Variants in DMD observed in about 807,000 individuals in gnomAD.
The protein encoded by DMD is dystrophin, also known as mutant dystrophin.
In DMD, 63 loss-of-function variants were observed where a neutral mutation model predicts 330.1. That is an observed-to-expected ratio of 0.19 (90% CI 0.16 to 0.24). DMD has a LOEUF of 0.24. DMD is among the 10% of genes least tolerant of loss of function. The pLI, the probability that DMD is intolerant of heterozygous loss-of-function variation, is 1.00. For synonymous variants in DMD, 1,223 were observed against 959.8 expected, an observed-to-expected ratio of 1.27 and a Z score of -5.07; for missense variants, 3,344 against 2,684.1, an observed-to-expected ratio of 1.25 and a Z score of -5.43.
At chrX:32,137,231 C>T (rs2096730943) in intron 44 of DMD, among the ~76,000 whole-genome samples, 1 of 111,178 alleles carries the variant, frequency 9.0e-6, no homozygotes, top group Non-Finnish European at 1.9e-5. Flanking sequence ...TGTATGCCAT[C>T]GCCAGCAAAC....
At chrX:32,290,385 G>A (rs957601836) in intron 42 of DMD, among the ~76,000 whole-genome samples, 1 of 112,138 alleles carries the variant, frequency 8.9e-6, no homozygotes, top group East Asian at 2.8e-4. Context: ...CAGGGATGTT[G>A]TTATCTGTTG....
At chrX:33,159,975 A>G (rs2048695134) in intron 1 of DMD, among the ~76,000 whole-genome samples, 1 of 111,854 alleles carries the variant, frequency 8.9e-6, no homozygotes, top group Non-Finnish European at 1.9e-5. Flanking sequence ...TCCACTTACA[A>G]TTTTTTGACT....
intron 44 of DMD, among the ~76,000 whole-genome samples, chrX:32,193,188 C>G: frequency 8.9e-6 from 1 of 111,811 alleles, no homozygotes; most frequent in East Asian, 2.8e-4. Flanking sequence ...GGAGATGCTG[C>G]TATGCTTCCG....
At position 32,316,224 on chromosome X, in the gene DMD, C is replaced by G. The variant is rs768535949; in HGVS notation, c.5923-5948G>C. Among the ~76,000 whole-genome samples, 7 of 111,369 alleles carry G rather than the reference C, an allele frequency of 6.3e-5. No individual in the cohort carries two copies. In the East Asian group the frequency reaches 1.4e-3, roughly 22 times the overall value. ...AAATATTAAAATTCTTATGGTTGAA[C>G]ATAATCAATAAAAAGGTATAGTTTA... On this transcript the variant is annotated intron_variant, in intron 41 of 78. Coordinates refer to ENST00000357033, the MANE Select transcript of DMD (RefSeq NM_004006.3).
At chrX:31,572,320 C>T (rs1487443930) in intron 55 of DMD, among the ~76,000 whole-genome samples, 3 of 112,103 alleles carry the variant, frequency 2.7e-5, no homozygotes, top group African/African-American at 9.7e-5. Context: ...AACCAACACA[C>T]CTTGAATCCA....
intron 1 of DMD, among the ~76,000 whole-genome samples, chrX:33,096,512 TTTA>T (rs1569554344): frequency 9.4e-6 from 1 of 106,149 alleles, no homozygotes. Flanking sequence ...TTTTTTTTTT[TTTA>T]TTTTTTTGAG....
intron 43 of DMD, among the ~76,000 whole-genome samples, chrX:32,271,197 A>C (rs1452239682): frequency 8.9e-6 from 1 of 112,016 alleles, no homozygotes. Context: ...ACTGAAGAAG[A>C]AACTAAAAAA....
chrX:33,053,511 G>C (rs752921817), intron 1 of DMD, among the ~76,000 whole-genome samples: 169 of 110,278 alleles, frequency 1.5e-3, no homozygotes, highest in African/African-American at 5.2e-3. Context: ...CAGAAGAATC[G>C]CTTGAACTCG....
intron 71 of DMD, among the ~76,000 whole-genome samples, chrX:31,177,538 C>T (rs1292796098): frequency 6.3e-5 from 7 of 111,545 alleles, no homozygotes; most frequent in Non-Finnish European, 1.3e-4. Context: ...CATCGAATCT[C>T]AAGAAATATG....
At position 32,518,148 on chromosome X, in the gene DMD, T is replaced by G. The variant is rs374885558; in HGVS notation, c.2169-17A>C. The stretch of plus-strand genomic sequence containing the variant: ...ACATCCAACCTAAGACAGCAAAAAA[T>G]AAAAGTCATTATTTCTTGATTATCT... On this transcript the variant is annotated splice_polypyrimidine_tract_variant and intron_variant, in intron 17 of 78. Transcript: ENST00000357033. The G allele has an allele frequency of 5.4e-5, 64 of 1,193,955 alleles. No individual in the cohort carries two copies. In the East Asian group the frequency reaches 1.5e-3, roughly 28 times the overall value.
At chrX:32,480,615 A>G (rs1188307072) in intron 21 of DMD, among the ~76,000 whole-genome samples, 2 of 111,489 alleles carry the variant, frequency 1.8e-5, no homozygotes, top group Admixed American at 1.9e-4. Flanking sequence ...GTACATACAC[A>G]GTATGTGTAT....
chrX:31,910,743 A>T (rs2094537749), intron 47 of DMD, among the ~76,000 whole-genome samples: 1 of 111,729 alleles, frequency 9.0e-6, no homozygotes. Context: ...AGAGAGAAGG[A>T]AAAAAGGTAG....
At chrX:33,078,426 G>A (rs2094877388) in intron 1 of DMD, among the ~76,000 whole-genome samples, 1 of 112,015 alleles carries the variant, frequency 8.9e-6, no homozygotes, top group Non-Finnish European at 1.9e-5. Flanking sequence ...CTCACAAATG[G>A]TTTCCAAATT....
chrX:31,502,403 A>G (rs1437061526), intron 56 of DMD, among the ~76,000 whole-genome samples: 1 of 110,726 alleles, frequency 9.0e-6, no homozygotes, highest in East Asian at 2.8e-4. Context: ...GAGATATTCA[A>G]TGTCCAAGTT....
At position 31,436,091 on chromosome X, in the gene DMD, C is replaced by T. The variant is rs1024446029; in HGVS notation, c.9084+8390G>A. Among the ~76,000 whole-genome samples the T allele has an allele frequency of 4.5e-5, 5 of 111,756 alleles. No individual in the cohort carries two copies. In the Admixed American group the frequency reaches 4.7e-4, roughly 11 times the overall value. ...CTCAGGAAACTAAAATAAATACATGCATGCATAAATACATTTTGCTATTTA... is the reference window on the plus strand; with the variant it reads ...CTCAGGAAACTAAAATAAATACATGTATGCATAAATACATTTTGCTATTTA... On this transcript the variant is annotated intron_variant, in intron 60 of 78. Coordinates refer to ENST00000357033, the MANE Select transcript of DMD (RefSeq NM_004006.3).
chrX:32,961,979 T>C (rs1202829033), intron 2 of DMD, among the ~76,000 whole-genome samples: 1 of 111,939 alleles, frequency 8.9e-6, no homozygotes, highest in East Asian at 2.8e-4. Flanking sequence ...CTTAATAATT[T>C]GTACTTTTGA....
chrX:32,637,664 A>C (rs1276305751), intron 11 of DMD, among the ~76,000 whole-genome samples: 3 of 111,737 alleles, frequency 2.7e-5, no homozygotes, highest in Non-Finnish European at 5.6e-5. Flanking sequence ...CTCAGAAAAA[A>C]TCATGATGGA....
intron 51 of DMD, among the ~76,000 whole-genome samples, chrX:31,762,116 T>G (rs1023550725): frequency 8.9e-6 from 1 of 112,510 alleles, no homozygotes; most frequent in African/African-American, 3.2e-5. Flanking sequence ...ACTGTTCAAG[T>G]AGAAACTCTT....
chrX:33,001,809 CTT>C (rs908063325), intron 2 of DMD, among the ~76,000 whole-genome samples: 2 of 111,592 alleles, frequency 1.8e-5, no homozygotes, highest in African/African-American at 6.5e-5. Context: ...TCTCATAAGT[CTT>C]TTTTTCTAAT....
Sources: gnomAD v4.1 joint callset for allele counts (sites outside exome capture counted in the v4.1 genomes callset) on GRCh38, gnomAD v4.1.1 for gene constraint, MANE v1.5 for transcripts, NCBI Gene and HGNC (gene_info 2026-07-23, HGNC 2026-07-21) for gene names.